Variants in POTEF observed in about 807,000 individuals in gnomAD.
POTEF encodes the protein ANKRD26-like family C member 1B.
A neutral mutation model predicts 83.2 loss-of-function variants in POTEF; 20 were observed. The ratio of observed to expected loss-of-function variants is 0.24; its 90% CI spans 0.17 to 0.35. The LOEUF (loss-of-function observed/expected upper bound fraction) is 0.35, where lower values mean the gene tolerates loss of function less well. POTEF is among the 10% of genes least tolerant of loss of function. POTEF has a pLI of 1.00. For synonymous variants in POTEF, 196 were observed against 446.4 expected (o/e 0.44, Z 7.07); for missense variants, 550 against 1,203.2 (o/e 0.46, Z 8.03).
chr2:130,119,413 G>A (rs558697622), intron 3 of POTEF, among the ~76,000 whole-genome samples: 10 of 151,868 alleles, frequency 6.6e-5, no homozygotes, highest in South Asian at 2.1e-4. Flanking sequence ...TGATCCGCCC[G>A]CCTCCCAAAG....
rs1684815575 is a variant in POTEF, at chr2:130,115,236, T to C, written c.614A>G (p.Lys205Arg). The C allele has an allele frequency of 6.2e-7, 1 of 1,612,672 alleles. No homozygotes were observed. The highest frequency in any genetic ancestry group is 1.3e-5 in the African/African-American group (1 of 74,706). ...RRCQLNVLDN[K>R]KRTALIKAVQ... ...TACCTTTATCAGAGCTGTCCTCTTT[T>C]TGTTGTCAAGGACATTAAGTTGACA... The change falls in exon 4 of 17, where the codon AAA becomes AGA. Residue 205 changes from lysine to arginine, a missense_variant. Coordinates refer to ENST00000409914, the MANE Select transcript of POTEF (RefSeq NM_001099771.2).
chr2:130,103,191 C>T (rs1222274920), intron 8 of POTEF, among the ~76,000 whole-genome samples: 1 of 148,524 alleles, frequency 6.7e-6, no homozygotes, highest in Non-Finnish European at 1.5e-5. Flanking sequence ...ACCTCTGACA[C>T]TCCCTGGTTC....
chr2:130,107,054 C>T (rs1817100), intron 8 of POTEF, among the ~76,000 whole-genome samples: 93,806 of 145,324 alleles, frequency 0.65, 31,245 homozygotes, highest in African/African-American at 0.73. Flanking sequence ...GGTGTCCTCA[C>T]ACAGTTTGGA....
chr2:130,104,437 ACT>A (rs1230424435), intron 8 of POTEF, among the ~76,000 whole-genome samples: 4 of 145,868 alleles, frequency 2.7e-5, no homozygotes, highest in African/African-American at 7.9e-5. Context: ...TACAAAAAAC[ACT>A]CTTTCTCTTT....
intron 2 of POTEF, among the ~76,000 whole-genome samples, chr2:130,124,708 G>A (rs1685055849): frequency 1.1e-5 from 1 of 90,360 alleles, no homozygotes; most frequent in Non-Finnish European, 2.3e-5. Flanking sequence ...AAGTTCTTGG[G>A]GTTCCATGAG....
intron 15 of POTEF, among the ~76,000 whole-genome samples, chr2:130,083,409 TGAG>T (rs1453180496): frequency 1.4e-5 from 2 of 147,856 alleles, no homozygotes; most frequent in African/African-American, 2.5e-5. Context: ...AGGAGAAAGA[TGAG>T]GAGCAGCAAG....
At chr2:130,121,006 C>T (rs1181100829) in intron 2 of POTEF, 6 of 226,042 alleles carry the variant, frequency 2.7e-5, no homozygotes, top group East Asian at 1.1e-4. Context: ...CAAGCCGTTA[C>T]GCGCGTGCGG....
chr2:130,110,232 G>GA (rs1351780020), intron 7 of POTEF, among the ~76,000 whole-genome samples: 1 of 151,220 alleles, frequency 6.6e-6, no homozygotes, highest in African/African-American at 2.5e-5. Context: ...TAACTAATCA[G>GA]AAAAATTAAA....
intron 7 of POTEF, among the ~76,000 whole-genome samples, chr2:130,109,985 T>A (rs572552391): frequency 4.0e-5 from 6 of 151,416 alleles, no homozygotes; most frequent in African/African-American, 1.5e-4. Flanking sequence ...AATCTACTGA[T>A]TCATCTTAAG....
intron 5 of POTEF, among the ~76,000 whole-genome samples, chr2:130,113,541 T>C (rs1297770195): frequency 3.6e-5 from 3 of 83,572 alleles, no homozygotes; most frequent in Non-Finnish European, 5.2e-5. Flanking sequence ...TTGTTGTTGT[T>C]GTTGTTAGAG....
At chr2:130,113,091 G>C (rs1180703105) in intron 5 of POTEF, among the ~76,000 whole-genome samples, 2 of 143,184 alleles carry the variant, frequency 1.4e-5, no homozygotes, top group South Asian at 2.2e-4. Context: ...AGAGATAAAA[G>C]TCAGACTAGG....
In POTEF at chr2:130,075,559, C is replaced by G. The variant is rs576434470; in HGVS notation, c.1913G>C (p.Cys638Ser). 1.2e-5 allele frequency: 19 copies of G among 1,610,046 alleles called. No homozygotes were observed. Among genetic ancestry groups the G allele is most frequent in the Non-Finnish European group, 1.5e-5 (18 of 1,179,426 alleles). The change falls in exon 17 of 17, where the codon TGT (cysteine) becomes TCT (serine). Residue 638 changes from cysteine to serine, a missense_variant. Cys to Ser is a moderately radical substitution (Grantham distance 112, BLOSUM62 -1). Coordinates refer to ENST00000409914, the MANE Select transcript of POTEF (RefSeq NM_001099771.2). Reference sequence around the variant, plus strand: ...ATGCAAGATGTCTTTTTCTTTCTTACAACTAAGAGAAAGCTAAGTAAACAA... The same window carrying G: ...ATGCAAGATGTCTTTTTCTTTCTTAGAACTAAGAGAAAGCTAAGTAAACAA... ...EKMNSELSLS[C>S]KKEKDILHEN...
At position 130,121,507 on chromosome 2, in the gene POTEF, C is replaced by T. The variant is rs1295556310; in HGVS notation, c.-93-899G>A. On this transcript the variant is annotated intron_variant, in intron 2 of 16. Coordinates refer to ENST00000409914, the MANE Select transcript of POTEF (RefSeq NM_001099771.2). ...CGGAGCACAAGACGCCCACCGAGCCCAGGGCCTGCCTGAGGTGCCTTCAAC... is the reference window on the plus strand; with the variant it reads ...CGGAGCACAAGACGCCCACCGAGCCTAGGGCCTGCCTGAGGTGCCTTCAAC... Among the ~76,000 whole-genome samples the T allele has an allele frequency of 4.9e-5, 4 of 80,998 alleles. No individual in the cohort carries two copies. The Admixed American group carries it at 5.3e-4, about 11-fold the overall frequency. The allele number at this position is 80,998 out of a possible 152,430, so 53.1% of individuals were successfully genotyped here.
chr2:130,120,181 C>G lies in POTEF; in HGVS notation c.335G>C (p.Ser112Thr). 6.3e-7 allele frequency: 1 copy of G among 1,596,610 alleles called. No homozygotes were observed. The highest frequency in any genetic ancestry group is 8.5e-7 in the Non-Finnish European group (1 of 1,173,814). The change falls in exon 3 of 17, where the codon AGC (serine) becomes ACC (threonine). Residue 112 changes from serine (S) to threonine (T), a missense_variant. Physicochemically the swap from Ser to Thr is moderately conservative, Grantham distance 58. Coordinates refer to ENST00000409914, the MANE Select transcript of POTEF (RefSeq NM_001099771.2). The stretch of plus-strand genomic sequence containing the variant: ...CCAAGCGCCCACCTTGCTCTTGCTG[C>G]TCCCCCTGCAGCAGGGGAAGCAGTG... ...CCHCFPCCRG[S>T]SKSKVGAWGD...
At chr2:130,126,910 CA>C (rs1343219465) in intron 2 of POTEF, among the ~76,000 whole-genome samples, 4 of 151,956 alleles carry the variant, frequency 2.6e-5, no homozygotes, top group Non-Finnish European at 5.9e-5. Context: ...GAGAAGAATA[CA>C]CAGACTAGAA....
chr2:130,117,935 C>CTTTTTT (rs58113059), intron 3 of POTEF, among the ~76,000 whole-genome samples: 1 of 45,052 alleles, frequency 2.2e-5, no homozygotes, highest in African/African-American at 3.9e-5. Flanking sequence ...TATTTCATTC[C>CTTTTTT]TTTTTTTTTT....
intron 2 of POTEF, among the ~76,000 whole-genome samples, chr2:130,123,703 C>T (rs1685041993): frequency 6.6e-6 from 1 of 151,152 alleles, no homozygotes; most frequent in Non-Finnish European, 1.5e-5. Context: ...AGCATTGCTA[C>T]ATAAATGCTA....
At chr2:130,105,931 G>T (rs1229263369) in intron 8 of POTEF, among the ~76,000 whole-genome samples, 2 of 150,384 alleles carry the variant, frequency 1.3e-5, no homozygotes, top group East Asian at 1.9e-4. Flanking sequence ...AGCTAATCAG[G>T]TATTTACCTT....
In POTEF at chr2:130,075,001, A is replaced by T. The variant is rs370345043; in HGVS notation, c.2471T>A (p.Phe824Tyr). ...CATGGCTGGGGTGTTGAAGGTCTCA[A>T]ACATGATCTGGGTCATCTTCTCGCG... is the stretch of plus-strand genomic sequence containing the variant. ...ANREKMTQIMFETFNTPAMYV... is the reference protein window; with the variant it reads ...ANREKMTQIMYETFNTPAMYV... Residue 824 changes from phenylalanine (F) to tyrosine (Y), a missense_variant, in exon 17 of 17, where the codon TTT (phenylalanine) becomes TAT (tyrosine). Transcript: ENST00000409914. 9 of 1,613,192 alleles carry T rather than the reference A, an allele frequency of 5.6e-6. No individual in the cohort carries two copies. In the African/African-American group the frequency reaches 1.1e-4, roughly 19 times the overall value.
Sources: gnomAD v4.1 joint callset for allele counts (sites outside exome capture counted in the v4.1 genomes callset) on GRCh38, gnomAD v4.1.1 for gene constraint, MANE v1.5 for transcripts, NCBI Gene and HGNC (gene_info 2026-07-23, HGNC 2026-07-21) for gene names.